The following RELN variants were observed in gnomAD, a reference collection of about 807,000 sequenced individuals.
RELN encodes reelin.
In RELN, 108 loss-of-function variants were observed where a neutral mutation model predicts 427.6. That is an observed-to-expected ratio of 0.25 (90% CI 0.22 to 0.30). The LOEUF is 0.30. Among genes scored for constraint, RELN ranks in the 10% least tolerant of loss-of-function variants. The pLI is 1.00. For missense variants in RELN, 3,715 were observed against 4,302.8 expected (o/e 0.86, Z 3.82); for synonymous variants, 1,524 against 1,513.4 (o/e 1.01, Z -0.16).
rs139966008 is a variant in RELN, at chr7:103,823,528, C to T, written c.473+10009G>A. Among the ~76,000 whole-genome samples, 449 of 151,964 alleles carry T rather than the reference C, an allele frequency of 3.0e-3. 3 individuals carry two copies. The highest frequency in any genetic ancestry group is 0.01 in the African/African-American group (435 of 41,480). On this transcript the variant is annotated intron_variant, in intron 3 of 64. Transcript: ENST00000428762. ...TTACATTTTTAACAGTCAACTGAGC[C>T]CATAACCTTCTTGCAAAATAATTTG...
At chr7:103,946,238 A>G (rs1796217878) in intron 1 of RELN, among the ~76,000 whole-genome samples, 1 of 152,228 alleles carries the variant, frequency 6.6e-6, no homozygotes, top group South Asian at 2.1e-4. Flanking sequence ...TTTACTTACT[A>G]AAACTAATTA....
At chr7:103,606,937 T>A (rs1170576021) in intron 22 of RELN, among the ~76,000 whole-genome samples, 1 of 152,004 alleles carries the variant, frequency 6.6e-6, no homozygotes, top group Non-Finnish European at 1.5e-5. Context: ...GGTGTTTGGT[T>A]TTTTGTCCTT....
intron 19 of RELN, among the ~76,000 whole-genome samples, chr7:103,631,652 T>C (rs1016456712): frequency 6.6e-6 from 1 of 152,304 alleles, no homozygotes. Flanking sequence ...TTTTAAATAC[T>C]TTCTAAAATC....
At chr7:103,862,441 A>C (rs1345706137) in intron 2 of RELN, among the ~76,000 whole-genome samples, 3 of 151,592 alleles carry the variant, frequency 2.0e-5, no homozygotes, top group Admixed American at 2.0e-4. Context: ...CTATCTATCT[A>C]TCTATCTATC....
chr7:103,549,591 G>A (rs888659918), intron 41 of RELN, among the ~76,000 whole-genome samples: 8 of 152,166 alleles, frequency 5.3e-5, no homozygotes, highest in African/African-American at 1.9e-4. Flanking sequence ...TGGCTTTCAG[G>A]CTACAGCTGA....
intron 2 of RELN, among the ~76,000 whole-genome samples, chr7:103,878,376 C>A (rs1252344605): frequency 2.6e-5 from 4 of 152,188 alleles, no homozygotes; most frequent in African/African-American, 9.7e-5. Context: ...TTGATAAATA[C>A]TTACCAAATT....
intron 24 of RELN, 113 bp from the exon 25 acceptor site, chr7:103,596,774 C>T: frequency 2.2e-6 from 2 of 908,670 alleles, no homozygotes; most frequent in Non-Finnish European, 3.5e-6. Context: ...ATGGTCTCGT[C>T]CCCATTTATT....
Position 103,518,505 on chromosome 7 carries a change from G to GTTTTTTTT in RELN, c.7862+810_7862+817dup, listed in dbSNP as rs58239018. Among the ~76,000 whole-genome samples, 7 of 114,402 alleles carry GTTTTTTTT rather than the reference G, an allele frequency of 6.1e-5. 2 individuals are homozygous for GTTTTTTTT. The highest frequency in any genetic ancestry group is 2.7e-4 in the African/African-American group (6 of 21,828). The allele number at this position is 114,402 out of a possible 152,430, so 75.1% of individuals were successfully genotyped here. A position where few individuals can be genotyped will look rare whatever the true frequency, so the allele number is the denominator to read the frequency against. On this transcript the variant is annotated intron_variant, in intron 49 of 64. Transcript: ENST00000428762. ...ATGCCACCACACCCAGGTAATTTAA[G>GTTTTTTTT]TTTTTTTTTTTTTTGGTAAAATGTC...
At chr7:103,878,689 C>G (rs904750348) in intron 2 of RELN, among the ~76,000 whole-genome samples, 3 of 152,146 alleles carry the variant, frequency 2.0e-5, no homozygotes, top group Non-Finnish European at 4.4e-5. Flanking sequence ...CATTTGTACC[C>G]AGGATGGGGG....
At chr7:103,947,691 G>T (rs1796247851) in intron 1 of RELN, among the ~76,000 whole-genome samples, 1 of 152,154 alleles carries the variant, frequency 6.6e-6, no homozygotes, top group Admixed American at 6.5e-5. Context: ...AGTAAATACA[G>T]TAACATAGTA....
chr7:103,645,454 G>T (rs973211362), intron 16 of RELN, among the ~76,000 whole-genome samples: 6 of 151,450 alleles, frequency 4.0e-5, no homozygotes, highest in African/African-American at 9.7e-5. Flanking sequence ...CAAACAAACA[G>T]AAACCAAAAA....
intron 9 of RELN, among the ~76,000 whole-genome samples, chr7:103,699,834 T>C (rs1291752167): frequency 2.0e-5 from 3 of 152,152 alleles, no homozygotes; most frequent in African/African-American, 7.2e-5. Context: ...CAGATGCCTA[T>C]ACATTACATT....
At chr7:103,511,382 T>A (rs1005130683) in intron 50 of RELN, among the ~76,000 whole-genome samples, 1 of 152,210 alleles carries the variant, frequency 6.6e-6, no homozygotes, top group East Asian at 1.9e-4. Context: ...TTACAGTGTC[T>A]CGTTTATTAG....
chr7:103,544,874 A>G (rs1584280890), intron 42 of RELN, among the ~76,000 whole-genome samples: 1 of 148,778 alleles, frequency 6.7e-6, no homozygotes, highest in East Asian at 1.9e-4. Context: ...CATGTGGTAG[A>G]AAAAGTTGTG....
chr7:103,702,790 T>G (rs1834121686), intron 8 of RELN, among the ~76,000 whole-genome samples: 1 of 152,208 alleles, frequency 6.6e-6, no homozygotes, highest in Non-Finnish European at 1.5e-5. Flanking sequence ...TAGTGATTAG[T>G]CAGTCTCCCT....
intron 24 of RELN, among the ~76,000 whole-genome samples, chr7:103,598,755 T>G (rs1343932667): frequency 1.3e-5 from 2 of 152,234 alleles, no homozygotes; most frequent in African/African-American, 4.8e-5. Context: ...CATTTTCTTT[T>G]GTTTGGTGAC....
intron 2 of RELN, among the ~76,000 whole-genome samples, chr7:103,844,329 T>C (rs557079090): frequency 6.6e-6 from 1 of 152,272 alleles, no homozygotes; most frequent in Admixed American, 6.5e-5. Flanking sequence ...ATCTGGGAAG[T>C]TTACTACAAT....
chr7:103,795,125 T>A (rs563791176), intron 3 of RELN, among the ~76,000 whole-genome samples: 3 of 152,238 alleles, frequency 2.0e-5, no homozygotes, highest in African/African-American at 7.2e-5. Context: ...ACTAGTATTA[T>A]CTATTGAAGT....
intron 16 of RELN, among the ~76,000 whole-genome samples, chr7:103,643,687 C>T (rs1425383659): frequency 2.0e-5 from 3 of 151,946 alleles, no homozygotes; most frequent in African/African-American, 7.2e-5. Flanking sequence ...ATCAGACTAA[C>T]AGTGGAATTC....
Sources: gnomAD v4.1 joint callset for allele counts (sites outside exome capture counted in the v4.1 genomes callset) on GRCh38, gnomAD v4.1.1 for gene constraint, MANE v1.5 for transcripts, NCBI Gene and HGNC (gene_info 2026-07-23, HGNC 2026-07-21) for gene names.